Variants in FBXO21 observed in about 807,000 individuals in gnomAD.
FBXO21 encodes the protein F-box only protein 21.
FBXO21 carries 32 observed loss-of-function variants against 76.6 expected under a neutral mutation model. The ratio of observed to expected loss-of-function variants is 0.42; its 90% CI spans 0.32 to 0.56. The LOEUF is 0.56. Ranked by LOEUF, FBXO21 falls within the 20% of genes least tolerant of loss-of-function variation. FBXO21 has a pLI of 0.16. For synonymous variants in FBXO21, 328 were observed against 311.5 expected (o/e 1.05, Z -0.56); for missense variants, 586 against 797.3 (o/e 0.73, Z 3.19).
intron 3 of FBXO21, among the ~76,000 whole-genome samples, chr12:117,178,572 C>T (rs1956197113): frequency 6.6e-6 from 1 of 152,068 alleles, no homozygotes; most frequent in African/African-American, 2.4e-5. Context: ...GCCCCATTAC[C>T]TCTCTGACCC....
chr12:117,177,007 T>G (rs1050463219), intron 4 of FBXO21, among the ~76,000 whole-genome samples: 1 of 152,250 alleles, frequency 6.6e-6, no homozygotes, highest in African/African-American at 2.4e-5. Flanking sequence ...CCTGTTCAAC[T>G]TAATAAGAAC....
At chr12:117,180,875 C>T (rs1956221652) in intron 3 of FBXO21, among the ~76,000 whole-genome samples, 1 of 152,028 alleles carries the variant, frequency 6.6e-6, no homozygotes, top group South Asian at 2.1e-4. Flanking sequence ...CCTTGTGATC[C>T]GCCTACCTCA....
At chr12:117,152,580 AAG>A (rs1955857070) in intron 11 of FBXO21, among the ~76,000 whole-genome samples, 2 of 151,516 alleles carry the variant, frequency 1.3e-5, no homozygotes, top group South Asian at 2.1e-4. Context: ...AGAGAGACTA[AAG>A]AGAAAAAAAA....
rs1239427986 is a variant in FBXO21, at chr12:117,155,810, G to A, written c.1656C>T (p.Ser552=). 1.7e-5 allele frequency: 27 copies of A among 1,613,784 alleles called. No individual in the cohort carries two copies. The highest frequency in any genetic ancestry group is 3.3e-5 in the Admixed American group (2 of 59,978). The change falls in exon 11 of 12, where the codon TCC becomes TCT. Residue 552 remains serine, a synonymous_variant. Transcript: ENST00000622495. ...PFYNVLVEDG[S]CRYAAQENLE... ...GCTTACCTTGGGCTGCGTATCGACA[G>A]GAGCCGTCCTCCACCAGCACGTTAT...
chr12:117,177,683 T>A (rs573052368), intron 3 of FBXO21, 42 bp from the exon 4 acceptor site: 1 of 1,587,964 alleles, frequency 6.3e-7, no homozygotes, highest in South Asian at 1.1e-5. Flanking sequence ...TTGAAAACTT[T>A]CAGTTATCTA....
At chr12:117,183,108 CT>C (rs1592896879) in intron 3 of FBXO21, among the ~76,000 whole-genome samples, 1 of 152,078 alleles carries the variant, frequency 6.6e-6, no homozygotes, top group East Asian at 1.9e-4. Flanking sequence ...ACAAACAATC[CT>C]TTTTTAAGGT....
In FBXO21 at chr12:117,145,975, TG is replaced by T; in HGVS notation, c.*111del. ...GAGGCAACCAGCACTACTGGTGGAG[TG>T]GCTTTCCTGGTGCAGCAGGTCCCGA... On this transcript the variant is annotated 3_prime_UTR_variant, in exon 12 of 12. Coordinates refer to ENST00000622495, the MANE Select transcript of FBXO21 (RefSeq NM_015002.3). 1.3e-6 allele frequency: 1 copy of T among 769,778 alleles called. No homozygotes were observed. Among genetic ancestry groups the T allele is most frequent in the Non-Finnish European group, 2.0e-6 (1 of 491,710 alleles). The allele number at this position is 769,778 out of a possible 1,614,324, so 47.7% of individuals were successfully genotyped here.
At position 117,150,999 on chromosome 12, in the gene FBXO21, TGTGTC is replaced by T. The variant is rs1202371711; in HGVS notation, c.1676-4727_1676-4723del. Among the ~76,000 whole-genome samples the T allele has an allele frequency of 6.4e-5, 8 of 125,380 alleles. 1 individual carries two copies. Among genetic ancestry groups the T allele is most frequent in the African/African-American group, 2.5e-4 (8 of 31,586 alleles). The allele number at this position is 125,380 out of a possible 152,430, so 82.3% of individuals were successfully genotyped here. On this transcript the variant is annotated intron_variant, in intron 11 of 11. Coordinates refer to ENST00000622495, the MANE Select transcript of FBXO21 (RefSeq NM_015002.3). ...GTGTGTGTGTGTGTGTGTGTGTGTGTGTGTCGGGCGGGGAGGACTGTATGGGTGGA... is the reference window on the plus strand; with the variant it reads ...GTGTGTGTGTGTGTGTGTGTGTGTGTGGGCGGGGAGGACTGTATGGGTGGA...
At chr12:117,186,856 G>A (rs1956288243) in intron 2 of FBXO21, among the ~76,000 whole-genome samples, 1 of 152,240 alleles carries the variant, frequency 6.6e-6, no homozygotes, top group Non-Finnish European at 1.5e-5. Context: ...GCCGGCCATA[G>A]TGGTTCATGA....
At position 117,142,365 on chromosome 12, in the gene FBXO21, C is replaced by T. The variant is rs1354751659; in HGVS notation, c.*3722G>A. The T allele has an allele frequency of 6.6e-6, 1 of 152,378 alleles. No individual in the cohort carries two copies. The highest frequency in any genetic ancestry group is 1.5e-5 in the Non-Finnish European group (1 of 68,054). 9.4% of individuals were successfully genotyped at this position (152,378 alleles called of 1,614,324 possible). ...GTGCCTACACCCTAGCCGGGGTCAG[C>T]CAACTATGGCCTGTGGGCACCATCC... On this transcript the variant is annotated 3_prime_UTR_variant, in exon 12 of 12. Transcript: ENST00000622495.
chr12:117,145,651 C>T lies in FBXO21; in HGVS notation c.*436G>A, dbSNP rs61938670. 1.7e-3 allele frequency: 256 copies of T among 153,740 alleles called. No homozygotes were observed. The highest frequency in any genetic ancestry group is 3.5e-3 in the Admixed American group (54 of 15,446). The allele number at this position is 153,740 out of a possible 1,614,324, so 9.5% of individuals were successfully genotyped here. ...CACACAGTCCTCACTCGGGACCGAA[C>T]ACGTTCCACAGAGAAATCAGAAGGA... On this transcript the variant is annotated 3_prime_UTR_variant, in exon 12 of 12. Coordinates refer to ENST00000622495, the MANE Select transcript of FBXO21 (RefSeq NM_015002.3).
At chr12:117,157,220 A>T (rs1955927239) in intron 10 of FBXO21, among the ~76,000 whole-genome samples, 1 of 152,120 alleles carries the variant, frequency 6.6e-6, no homozygotes, top group South Asian at 2.1e-4. Context: ...AGAAAAATGA[A>T]ATGTTTGAAT....
chr12:117,161,571 G>A (rs1427824323), intron 9 of FBXO21, among the ~76,000 whole-genome samples: 1 of 152,202 alleles, frequency 6.6e-6, no homozygotes, highest in Non-Finnish European at 1.5e-5. Flanking sequence ...CAGGAGGCCA[G>A]GGCACTGCTT....
At chr12:117,175,606 G>A (rs1347398675) in intron 4 of FBXO21, among the ~76,000 whole-genome samples, 1 of 152,230 alleles carries the variant, frequency 6.6e-6, no homozygotes, top group African/African-American at 2.4e-5. Flanking sequence ...CCCAGTCCCA[G>A]TGTTGCCACC....
At chr12:117,165,374 A>G in intron 9 of FBXO21, 111 bp downstream of exon 9, 2 of 1,119,430 alleles carry the variant, frequency 1.8e-6, no homozygotes, top group Admixed American at 4.5e-5. Context: ...AGACTGAATA[A>G]ATTTGTGTTT....
In FBXO21 at chr12:117,165,599, T is replaced by C. The variant is rs1282399532; in HGVS notation, c.1212A>G (p.Ser404=). ...SLGKREGIDQ[S]YQLLRDSLDL... ...CCAGCGAGTCTCTCAGGAGCTGGTA[T>C]GACTGGTCGATGCCTTCCCTAGCAG... Residue 404 remains serine (S), a synonymous_variant, in exon 9 of 12, where the codon TCA becomes TCG. Coordinates refer to ENST00000622495, the MANE Select transcript of FBXO21 (RefSeq NM_015002.3). 6.2e-7 allele frequency: 1 copy of C among 1,611,268 alleles called. No individual in the cohort carries two copies. Among genetic ancestry groups the C allele is most frequent in the African/African-American group, 1.3e-5 (1 of 74,888 alleles).
chr12:117,171,573 C>T (rs924706602), intron 7 of FBXO21, among the ~76,000 whole-genome samples: 6 of 151,956 alleles, frequency 3.9e-5, no homozygotes, highest in Non-Finnish European at 7.4e-5. Context: ...ACTGGGTGAG[C>T]TCATTTAATC....
chr12:117,149,105 G>A (rs1955810860), intron 11 of FBXO21, among the ~76,000 whole-genome samples: 1 of 152,184 alleles, frequency 6.6e-6, no homozygotes, highest in African/African-American at 2.4e-5. Context: ...GAGGCTTACG[G>A]GGACATGACC....
intron 3 of FBXO21, among the ~76,000 whole-genome samples, chr12:117,180,737 T>A (rs2135881792): frequency 6.6e-6 from 1 of 152,280 alleles, no homozygotes; most frequent in African/African-American, 2.4e-5. Context: ...CCTAGTCTCC[T>A]GCCTCAGCCT....
Sources: allele counts gnomAD v4.1 joint callset (sites outside exome capture counted in the v4.1 genomes callset), GRCh38; gene constraint gnomAD v4.1.1; transcripts MANE v1.5; gene names NCBI Gene and HGNC (gene_info 2026-07-23, HGNC 2026-07-21).